The following THRAP3 variants were observed in gnomAD, a reference collection of about 807,000 sequenced individuals.
THRAP3 encodes thyroid hormone receptor-associated protein 3.
THRAP3 carries 16 observed loss-of-function variants against 101.0 expected under a neutral mutation model. That is an observed-to-expected ratio of 0.16 (90% CI 0.11 to 0.24). The LOEUF (loss-of-function observed/expected upper bound fraction) is 0.24, where lower values mean the gene tolerates loss of function less well. Ranked by LOEUF, THRAP3 falls within the 10% of genes least tolerant of loss-of-function variation. The pLI is 1.00. For synonymous variants in THRAP3, 407 were observed against 422.6 expected (o/e 0.96, Z 0.45); for missense variants, 989 against 1,202.7 (o/e 0.82, Z 2.63).
intron 1 of THRAP3, among the ~76,000 whole-genome samples, chr1:36,241,287 CTT>C (rs1326251362): frequency 6.7e-6 from 1 of 150,026 alleles, no homozygotes; most frequent in Admixed American, 6.7e-5. Context: ...CCTGAATTCT[CTT>C]TAGAGTACTT....
At chr1:36,245,683 ACTTTT>A (rs1645222117) in intron 1 of THRAP3, among the ~76,000 whole-genome samples, 1 of 152,156 alleles carries the variant, frequency 6.6e-6, no homozygotes, top group South Asian at 2.1e-4. Flanking sequence ...GATAAAGTTT[ACTTTT>A]CTTTTTACTT....
In THRAP3 at chr1:36,243,065, A is replaced by G. The variant is rs950566721; in HGVS notation, c.-134-16317A>G. Among the ~76,000 whole-genome samples, 5 of 152,198 alleles carry G rather than the reference A, an allele frequency of 3.3e-5. No homozygotes were observed. In the East Asian group the frequency reaches 9.6e-4, roughly 29 times the overall value. ...GGTGACAGTAAGACCCCATCTCTAAAAACAAAAATAGAATGCTGATTGTGG... is the reference window on the plus strand; with the variant it reads ...GGTGACAGTAAGACCCCATCTCTAAGAACAAAAATAGAATGCTGATTGTGG... On this transcript the variant is annotated intron_variant, in intron 1 of 11. Coordinates refer to ENST00000354618, the MANE Select transcript of THRAP3 (RefSeq NM_005119.4).
chr1:36,275,725 A>C (rs1645651397), intron 2 of THRAP3, among the ~76,000 whole-genome samples: 1 of 152,028 alleles, frequency 6.6e-6, no homozygotes, highest in Non-Finnish European at 1.5e-5. Flanking sequence ...AGCCACATGC[A>C]AAACAACAAA....
chr1:36,266,518 A>T (rs1455597935), intron 2 of THRAP3, among the ~76,000 whole-genome samples: 1 of 152,080 alleles, frequency 6.6e-6, no homozygotes, highest in Non-Finnish European at 1.5e-5. Context: ...AAAGTAAATG[A>T]TGGAAGGAGT....
chr1:36,239,565 C>T (rs1645131107), intron 1 of THRAP3, among the ~76,000 whole-genome samples: 1 of 152,198 alleles, frequency 6.6e-6, no homozygotes. Context: ...CCTTACCTGG[C>T]CAAACTGGCT....
chr1:36,293,191 G>A (rs1041307877), intron 7 of THRAP3, among the ~76,000 whole-genome samples: 2 of 151,848 alleles, frequency 1.3e-5, no homozygotes, highest in African/African-American at 4.8e-5. Flanking sequence ...ACCATGCCCA[G>A]CTGATTTTTG....
chr1:36,291,138 G>T (rs962237303), intron 5 of THRAP3, among the ~76,000 whole-genome samples: 1 of 152,142 alleles, frequency 6.6e-6, no homozygotes, highest in Non-Finnish European at 1.5e-5. Flanking sequence ...GTTAAAACCA[G>T]CAGTGACTAA....
rs142446461 is a variant in THRAP3 at position 36,282,110 on chromosome 1, A to G, written c.-31-423A>G. On this transcript the variant is annotated intron_variant, in intron 2 of 11. Transcript: ENST00000354618. ...AAATTTTTTTTTTAACTTTGTAGAC[A>G]CGGGATATTGCTATGTTGCCCAGGC... 1.8e-3 allele frequency among the ~76,000 whole-genome samples: 270 copies of G among 152,040 alleles called. 1 individual carries two copies. The highest frequency in any genetic ancestry group is 6.0e-3 in the African/African-American group (248 of 41,476).
upstream of THRAP3, among the ~76,000 whole-genome samples, chr1:36,219,606 T>A (rs1175421987): frequency 6.6e-6 from 1 of 151,870 alleles, no homozygotes; most frequent in East Asian, 1.9e-4. Flanking sequence ...TTTTTTTTTT[T>A]TAAAGTAGAG....
chr1:36,244,439 A>G (rs1645206900), intron 1 of THRAP3, among the ~76,000 whole-genome samples: 1 of 152,204 alleles, frequency 6.6e-6, no homozygotes, highest in East Asian at 1.9e-4. Flanking sequence ...AGCAAACTGA[A>G]GTATCCAAAA....
chr1:36,215,784 T>C, the THRAP3 span, among the ~76,000 whole-genome samples: 2 of 151,918 alleles, frequency 1.3e-5, no homozygotes, highest in South Asian at 4.1e-4. Flanking sequence ...AGTTTTGCTC[T>C]TGTTGACCAG....
At chr1:36,223,770 T>C (rs1011332410), upstream of THRAP3, among the ~76,000 whole-genome samples, 5 of 152,070 alleles carry the variant, frequency 3.3e-5, no homozygotes, top group South Asian at 8.3e-4. Context: ...CAGAAAATCA[T>C]AGTTACAGAA....
chr1:36,215,733 T>C, the THRAP3 span, among the ~76,000 whole-genome samples: 1 of 151,948 alleles, frequency 6.6e-6, no homozygotes, highest in African/African-American at 2.4e-5. Context: ...ACTTTTTGCA[T>C]GTCACAAAAA....
At chr1:36,296,819 T>A (rs371303370) in intron 9 of THRAP3, 49 bp downstream of exon 9, 6 of 1,482,712 alleles carry the variant, frequency 4.0e-6, no homozygotes, top group Non-Finnish European at 5.4e-6. Flanking sequence ...TTCTTGTCTG[T>A]CCCCTTTGGG....
chr1:36,269,281 T>C (rs1645557982), intron 2 of THRAP3, among the ~76,000 whole-genome samples: 1 of 152,154 alleles, frequency 6.6e-6, no homozygotes, highest in Non-Finnish European at 1.5e-5. Flanking sequence ...GCTCACTTTT[T>C]TTTACAGTGG....
intron 3 of THRAP3, 138 bp downstream of exon 3, chr1:36,282,838 G>C (rs1362247239): frequency 3.6e-6 from 3 of 830,500 alleles, no homozygotes; most frequent in Non-Finnish European, 5.7e-6. Context: ...TGGGCTATAA[G>C]ATATTCCAGG....
chr1:36,295,214 ACT>A (rs1031903827), intron 8 of THRAP3, among the ~76,000 whole-genome samples: 5 of 138,132 alleles, frequency 3.6e-5, no homozygotes, highest in African/African-American at 1.1e-4. Flanking sequence ...CAAGAGTGAA[ACT>A]CTGTCTCAAA....
At position 36,295,954 on chromosome 1, in the gene THRAP3, C is replaced by CTTTTTTTTTTTTTTTTTT. The variant is rs575028397; in HGVS notation, c.2116-609_2116-592dup. On this transcript the variant is annotated intron_variant, in intron 8 of 11. Transcript: ENST00000354618. Reference sequence around the variant, plus strand: ...CCAGAGCTAATTTTAGCCTTCTCAACTTTTTTTTTTTTTTTTTTTTTTTTT... The same window carrying CTTTTTTTTTTTTTTTTTT: ...CCAGAGCTAATTTTAGCCTTCTCAACTTTTTTTTTTTTTTTTTTTTTTTTTTTTTTTTTTTTTTTTTTT... Among the ~76,000 whole-genome samples, 2 of 60,498 alleles carry CTTTTTTTTTTTTTTTTTT rather than the reference C, an allele frequency of 3.3e-5. 1 individual carries two copies. The highest frequency in any genetic ancestry group is 5.6e-5 in the Non-Finnish European group (2 of 35,644). The allele number at this position is 60,498 out of a possible 152,430, so 39.7% of individuals were successfully genotyped here. A position where few individuals can be genotyped will look rare whatever the true frequency, so the allele number is the denominator to read the frequency against.
At chr1:36,290,067 G>C (rs1448380111) in intron 5 of THRAP3, among the ~76,000 whole-genome samples, 1 of 152,224 alleles carries the variant, frequency 6.6e-6, no homozygotes, top group Non-Finnish European at 1.5e-5. Context: ...AGCTTTGCCT[G>C]TGAAGCCATC....
Sources: gnomAD v4.1 joint callset for allele counts (sites outside exome capture counted in the v4.1 genomes callset) on GRCh38, gnomAD v4.1.1 for gene constraint, MANE v1.5 for transcripts, NCBI Gene and HGNC (gene_info 2026-07-23, HGNC 2026-07-21) for gene names.